Variants in CAST observed in about 807,000 individuals in gnomAD.
CAST encodes MIR583 host.
Under a neutral mutation model 119.6 loss-of-function variants are expected in CAST, and 76 were observed. That is an observed-to-expected ratio of 0.64 (90% CI 0.53 to 0.77). CAST has a LOEUF of 0.77. Among genes scored for constraint, CAST ranks in the 30% least tolerant of loss-of-function variants. CAST has a pLI of 0.00. For synonymous variants in CAST, 319 were observed against 331.6 expected (o/e 0.96, Z 0.41); for missense variants, 953 against 946.5 (o/e 1.01, Z -0.09).
intron 2 of CAST, among the ~76,000 whole-genome samples, chr5:96,686,630 G>A (rs1421784345): frequency 2.0e-5 from 3 of 152,190 alleles, no homozygotes; most frequent in Admixed American, 2.0e-4. Context: ...CCATTGTACT[G>A]TGATTATGAT....
chr5:96,152,645 G>A, the CAST span, among the ~76,000 whole-genome samples: 2 of 152,204 alleles, frequency 1.3e-5, no homozygotes, highest in East Asian at 1.9e-4. Flanking sequence ...AGGAAAATCA[G>A]TGCAATCTAA....
chr5:96,407,923 G>T, the CAST span, among the ~76,000 whole-genome samples: 1 of 152,274 alleles, frequency 6.6e-6, no homozygotes, highest in African/African-American at 2.4e-5. Context: ...GAGTTTTAAA[G>T]GTCAAAGCAT....
the CAST span, among the ~76,000 whole-genome samples, chr5:96,304,481 T>C: frequency 1.1e-4 from 17 of 152,348 alleles, no homozygotes; most frequent in African/African-American, 4.1e-4. Context: ...ATTTTGGCTT[T>C]TGTTGCCATT....
chr5:96,446,642 A>T, the CAST span, among the ~76,000 whole-genome samples: 1 of 152,210 alleles, frequency 6.6e-6, no homozygotes, highest in Non-Finnish European at 1.5e-5. Context: ...TGGAGATGGA[A>T]ATCTATAAAG....
the CAST span, among the ~76,000 whole-genome samples, chr5:96,328,625 GCATTT>G: frequency 1.3e-5 from 2 of 152,134 alleles, no homozygotes; most frequent in Non-Finnish European, 1.5e-5. Context: ...ACCTGCAATA[GCATTT>G]CAGACCATCT....
At chr5:96,482,774 A>G in the CAST span, among the ~76,000 whole-genome samples, 1 of 152,146 alleles carries the variant, frequency 6.6e-6, no homozygotes, top group Non-Finnish European at 1.5e-5. Flanking sequence ...CTGAACTACA[A>G]TCTGATGGAT....
chr5:96,207,070 A>G, the CAST span, among the ~76,000 whole-genome samples: 1 of 151,952 alleles, frequency 6.6e-6, no homozygotes, highest in South Asian at 2.1e-4. Context: ...GCTATTGTGA[A>G]TAGGATCACA....
At chr5:96,644,556 G>A (rs1435937475) in intron 1 of CAST, among the ~76,000 whole-genome samples, 1 of 152,148 alleles carries the variant, frequency 6.6e-6, no homozygotes, top group African/African-American at 2.4e-5. Context: ...CATAAAAGTT[G>A]TGCAGGTGGT....
chr5:96,241,915 G>GT, the CAST span, among the ~76,000 whole-genome samples: 2 of 138,562 alleles, frequency 1.4e-5, no homozygotes, highest in Admixed American at 7.2e-5. Context: ...GGGGTTGTTT[G>GT]TTTTTTTCTT....
At chr5:96,170,395 TG>T in the CAST span, among the ~76,000 whole-genome samples, 1 of 152,218 alleles carries the variant, frequency 6.6e-6, no homozygotes, top group East Asian at 1.9e-4. Flanking sequence ...TTCAGGCGTT[TG>T]GAGTTCTTGT....
intron 2 of CAST, among the ~76,000 whole-genome samples, chr5:96,694,141 C>A (rs72772087): frequency 0.19 from 28,369 of 152,112 alleles, 2,749 homozygotes; most frequent in South Asian, 0.23. Flanking sequence ...ATAAATTTGG[C>A]TAAATATTTC....
At chr5:96,170,215 G>A in the CAST span, among the ~76,000 whole-genome samples, 1 of 152,194 alleles carries the variant, frequency 6.6e-6, no homozygotes, top group African/African-American at 2.4e-5. Context: ...CAGAGTTCCA[G>A]GGGCTCTGGG....
At chr5:96,094,761 C>T in the CAST span, among the ~76,000 whole-genome samples, 1 of 152,160 alleles carries the variant, frequency 6.6e-6, no homozygotes, top group Non-Finnish European at 1.5e-5. Flanking sequence ...GCTCAGCAAA[C>T]CTGCCAACTT....
chr5:96,425,719 T>C, the CAST span: 2 of 674,458 alleles, frequency 3.0e-6, no homozygotes, highest in Non-Finnish European at 5.2e-6. Flanking sequence ...CCTATGAAAT[T>C]CTCCATCATA....
At chr5:96,244,437 C>T in the CAST span, among the ~76,000 whole-genome samples, 5 of 151,916 alleles carry the variant, frequency 3.3e-5, no homozygotes, top group South Asian at 2.1e-4. Context: ...TAGAATTATC[C>T]GACACAGAAA....
the CAST span, among the ~76,000 whole-genome samples, chr5:96,405,964 G>A: frequency 6.6e-6 from 1 of 152,104 alleles, no homozygotes; most frequent in Non-Finnish European, 1.5e-5. Flanking sequence ...AGCTCCCTGG[G>A]GTAGTAGTCT....
chr5:96,727,565 A>G, intron 6 of CAST, 35 bp downstream of exon 6: 1 of 1,339,914 alleles, frequency 7.5e-7, no homozygotes. Context: ...AGTTATTTGG[A>G]TTCTTTTTAA....
At chr5:96,685,892 T>C (rs2150278672) in intron 2 of CAST, among the ~76,000 whole-genome samples, 1 of 152,374 alleles carries the variant, frequency 6.6e-6, no homozygotes, top group South Asian at 2.1e-4. Flanking sequence ...ACTGAAATAA[T>C]TCTTGTGGAG....
At chr5:96,597,940 G>C (rs531423504) in intron 1 of CAST, among the ~76,000 whole-genome samples, 16 of 151,796 alleles carry the variant, frequency 1.1e-4, no homozygotes, top group African/African-American at 1.9e-4. Flanking sequence ...GAAAAAGAAG[G>C]GGGGAGGGGG....
Sources: gnomAD v4.1 joint callset for allele counts (sites outside exome capture counted in the v4.1 genomes callset) on GRCh38, gnomAD v4.1.1 for gene constraint, MANE v1.5 for transcripts, NCBI Gene and HGNC (gene_info 2026-07-23, HGNC 2026-07-21) for gene names.